SPTBN4: variants seen among roughly 807,000 people sequenced by gnomAD.
SPTBN4 encodes the protein spectrin beta chain, non-erythrocytic 4.
SPTBN4 carries 96 observed loss-of-function variants against 277.8 expected under a neutral mutation model. The observed-to-expected ratio is 0.35, with a 90% CI of 0.29 to 0.41. SPTBN4 has a LOEUF of 0.41. Among genes scored for constraint, SPTBN4 ranks in the 10% least tolerant of loss-of-function variants. The probability of loss-of-function intolerance (pLI) is 1.00; values close to 1 mark genes in which losing one functional copy is unlikely to be tolerated. For synonymous variants in SPTBN4, 1,481 were observed against 1,580.3 expected, an observed-to-expected ratio of 0.94 and a Z score of 1.49; for missense variants, 3,006 against 3,595.7, an observed-to-expected ratio of 0.84 and a Z score of 4.19.
At chr19:40,533,456 C>G (rs1469452645) in intron 19 of SPTBN4, among the ~76,000 whole-genome samples, 1 of 152,134 alleles carries the variant, frequency 6.6e-6, no homozygotes, top group East Asian at 1.9e-4. Context: ...AGCCTCAACC[C>G]TCAGAACTTC....
chr19:40,538,744 C>A (rs1042894483), intron 20 of SPTBN4, among the ~76,000 whole-genome samples: 2 of 152,138 alleles, frequency 1.3e-5, no homozygotes, highest in African/African-American at 4.8e-5. Context: ...TGTGCCACCA[C>A]GCCCAGATAA....
Position 40,519,534 on chromosome 19 carries a change from G to A in SPTBN4, c.3037G>A (p.Ala1013Thr). The change falls in exon 16 of 36, where the codon GCG (alanine) becomes ACG (threonine). Residue 1013 changes from alanine to threonine, a missense_variant. By Grantham distance (58) the Ala-to-Thr change is moderately conservative (BLOSUM62 0). Transcript: ENST00000598249. This position sits in a 1 kb window ranked among gnomAD's most constrained non-coding sequence, Gnocchi z 5.7. ...VREKRRAVESAPRAGGALQWR... is the reference protein window; with the variant it reads ...VREKRRAVESTPRAGGALQWR... Reference sequence around the variant, plus strand: ...TGAGAAGCGGAGAGCTGTGGAGAGCGCGCCCCGGGCCGGCGGCGCCCTGCA... The same window carrying A: ...TGAGAAGCGGAGAGCTGTGGAGAGCACGCCCCGGGCCGGCGGCGCCCTGCA... 6.3e-7 allele frequency: 1 copy of A among 1,588,572 alleles called. No individual in the cohort carries two copies. Among genetic ancestry groups the A allele is most frequent in the Non-Finnish European group, 8.5e-7 (1 of 1,170,562 alleles).
At chr19:40,538,817 T>C (rs2080767351) in intron 20 of SPTBN4, among the ~76,000 whole-genome samples, 1 of 152,164 alleles carries the variant, frequency 6.6e-6, no homozygotes, top group Non-Finnish European at 1.5e-5. Context: ...CTCAAACTCC[T>C]GGCCTCAAGT....
chr19:40,503,672 G>C (rs1419669837), intron 11 of SPTBN4, among the ~76,000 whole-genome samples, 158 bp from the exon 12 acceptor site: 1 of 151,910 alleles, frequency 6.6e-6, no homozygotes, highest in African/African-American at 2.4e-5. Context: ...CAGGTTACCT[G>C]GGTAACAGGG....
chr19:40,571,784 G>A (rs757014634), intron 33 of SPTBN4: 2 of 428,240 alleles, frequency 4.7e-6, no homozygotes, highest in African/African-American at 4.0e-5. Context: ...TATGGGAGGG[G>A]ATAAGGAAGG....
chr19:40,565,845 T>G, intron 29 of SPTBN4, 100 bp downstream of exon 29: 2 of 1,277,636 alleles, frequency 1.6e-6, no homozygotes, highest in Non-Finnish European at 1.1e-6. Flanking sequence ...CTTTGCACCC[T>G]ACCCATGGGT....
rs2080405693 is a variant in SPTBN4 at position 40,512,784 on chromosome 19, T to C, written c.1995T>C (p.Arg665=). The stretch of plus-strand genomic sequence containing the variant: ...AGAGCTGGGCGCGCGACAAGGAGCG[T>C]CTCCTGGAGGCTGCGGGCGGCGGCG... ...EAESWARDKE[R]LLEAAGGGGA... is the part of the protein sequence containing the mutation. The change falls in exon 14 of 36, where the codon CGT becomes CGC. Residue 665 remains arginine (R), a synonymous_variant. Coordinates refer to ENST00000598249, the MANE Select transcript of SPTBN4 (RefSeq NM_020971.3). 2 of 1,484,586 alleles carry C rather than the reference T, an allele frequency of 1.3e-6. No individual in the cohort carries two copies. The highest frequency in any genetic ancestry group is 1.8e-6 in the Non-Finnish European group (2 of 1,129,232). The allele number at this position is 1,484,586 out of a possible 1,614,324, so 92.0% of individuals were successfully genotyped here.
intron 2 of SPTBN4, among the ~76,000 whole-genome samples, chr19:40,474,323 A>G (rs1052742329): frequency 3.7e-4 from 36 of 97,838 alleles, no homozygotes; most frequent in African/African-American, 1.4e-3. Context: ...GGAGTTTCCA[A>G]TTAGAAATGT....
Position 40,513,321 on chromosome 19 carries a change from C to A in SPTBN4, c.2532C>A (p.Gly844=). ...TGGCGACACTCGGGGGTGCCAGTGGCGCAGGGCCACTGGTGGTGGCGCTGC... is the reference window on the plus strand; with the variant it reads ...TGGCGACACTCGGGGGTGCCAGTGGAGCAGGGCCACTGGTGGTGGCGCTGC... ...RQLATLGGAS[G]AGPLVVALQV... Residue 844 remains glycine, a synonymous_variant, in exon 14 of 36, where the codon GGC becomes GGA. Transcript: ENST00000598249. 1 of 1,573,462 alleles carries A rather than the reference C, an allele frequency of 6.4e-7. No individual in the cohort carries two copies.
At position 40,519,440 on chromosome 19, in the gene SPTBN4, G is replaced by A; in HGVS notation, c.2943G>A (p.Glu981=). Residue 981 remains glutamate (E), a synonymous_variant, in exon 16 of 36, where the codon GAG becomes GAA. Transcript: ENST00000598249. This position sits in a 1 kb window ranked among gnomAD's most constrained non-coding sequence, Gnocchi z 5.7. The part of the protein sequence containing the change: ...RIVELVEQRK[E]EMSAVLLVEN... ...TGGAGCTAGTGGAACAGCGCAAAGA[G>A]GAAATGAGCGCGGTGCTGCTGGTGG... 1.2e-6 allele frequency: 2 copies of A among 1,601,428 alleles called. No homozygotes were observed. Among genetic ancestry groups the A allele is most frequent in the Non-Finnish European group, 1.7e-6 (2 of 1,175,626 alleles).
Position 40,512,690 on chromosome 19 carries a change from C to T in SPTBN4, c.1901C>T (p.Ala634Val), listed in dbSNP as rs751411740. 1.3e-6 allele frequency: 2 copies of T among 1,527,266 alleles called. No homozygotes were observed. Among genetic ancestry groups the T allele is most frequent in the Non-Finnish European group, 1.7e-6 (2 of 1,143,926 alleles). The allele number at this position is 1,527,266 out of a possible 1,614,324, so 94.6% of individuals were successfully genotyped here. A position where few individuals can be genotyped will look rare whatever the true frequency, so the allele number is the denominator to read the frequency against. ...GCLAELQEQA[A>V]RRRAELEASR... Reference sequence around the variant, plus strand: ...CTGGCGGAGCTGCAGGAGCAGGCAGCGCGGCGACGCGCGGAGCTGGAGGCT... The same window carrying T: ...CTGGCGGAGCTGCAGGAGCAGGCAGTGCGGCGACGCGCGGAGCTGGAGGCT... Residue 634 changes from alanine (A) to valine (V), a missense_variant, in exon 14 of 36, where the codon GCG becomes GTG. Physicochemically the swap from Ala to Val is moderately conservative, Grantham distance 64. Around this residue, in one of 5 missense-constraint regions of SPTBN4, gnomAD observed 1,759 missense variants for 2,061.5 expected, o/e 0.85. Coordinates refer to ENST00000598249, the MANE Select transcript of SPTBN4 (RefSeq NM_020971.3).
rs185268774 is a variant in SPTBN4 at position 40,498,343 on chromosome 19, G to A, written c.784+739G>A. On this transcript the variant is annotated intron_variant, in intron 7 of 35. Transcript: ENST00000598249. ...TTTCATCTTCACACTGACCTGGTTA[G>A]AGAGAATTTATCAACCCTGTTTTAT... Among the ~76,000 whole-genome samples the A allele has an allele frequency of 3.6e-3, 545 of 152,060 alleles. 6 individuals carry two copies. Among genetic ancestry groups the A allele is most frequent in the African/African-American group, 0.013 (524 of 41,480 alleles).
rs541456864 is a variant in SPTBN4 at position 40,537,054 on chromosome 19, G to C, written c.4359+2711G>C. ...AAACGGAGTCTGGCTCTGCCACCTA[G>C]GCTGGAGTGCAGTGGCTTGATCTCA... On this transcript the variant is annotated intron_variant, in intron 20 of 35. Coordinates refer to ENST00000598249, the MANE Select transcript of SPTBN4 (RefSeq NM_020971.3). 5.9e-5 allele frequency among the ~76,000 whole-genome samples: 9 copies of C among 152,080 alleles called. No homozygotes were observed. In the East Asian group the frequency reaches 1.7e-3, roughly 29 times the overall value.
In SPTBN4 at chr19:40,519,532, G is replaced by A. The variant is rs773474064; in HGVS notation, c.3035G>A (p.Ser1012Asn). The A allele has an allele frequency of 6.9e-6, 11 of 1,590,212 alleles. No individual in the cohort carries two copies. The highest frequency in any genetic ancestry group is 1.8e-5 in the Admixed American group (1 of 56,116). ...CGTGAGAAGCGGAGAGCTGTGGAGA[G>A]CGCGCCCCGGGCCGGCGGCGCCCTG... ...QVREKRRAVE[S>N]APRAGGALQW... Residue 1012 changes from serine (S) to asparagine (N), a missense_variant, in exon 16 of 36, where the codon AGC becomes AAC. Physicochemically the swap from Ser to Asn is conservative, Grantham distance 46. Coordinates refer to ENST00000598249, the MANE Select transcript of SPTBN4 (RefSeq NM_020971.3). The surrounding 1 kb of genome is among the most constrained non-coding windows in gnomAD (Gnocchi z 5.7).
chr19:40,492,862 C>G lies in SPTBN4; in HGVS notation c.496-101C>G, dbSNP rs1262538193. ...AGCCAGAAGCTGCCTCCCCCATCTC[C>G]TCTGTCACCTGCCACCTTCTCTGGT... On this transcript the variant is annotated intron_variant, in intron 4 of 35. Coordinates refer to ENST00000598249, the MANE Select transcript of SPTBN4 (RefSeq NM_020971.3). The G allele has an allele frequency of 3.9e-6, 4 of 1,028,064 alleles. No homozygotes were observed. In the African/African-American group the frequency reaches 6.3e-5, roughly 16 times the overall value. 63.7% of individuals were successfully genotyped at this position (1,028,064 alleles called of 1,614,324 possible).
chr19:40,504,148 C>CGGGGGGGGGGG lies in SPTBN4; in HGVS notation c.1665+20_1665+21insGGGGGGGGGGG. The CGGGGGGGGGGG allele has an allele frequency of 1.5e-6, 1 of 645,760 alleles. No homozygotes were observed. Among genetic ancestry groups the CGGGGGGGGGGG allele is most frequent in the South Asian group, 2.7e-5 (1 of 36,552 alleles). 40.0% of individuals were successfully genotyped at this position (645,760 alleles called of 1,614,324 possible). A position where few individuals can be genotyped will look rare whatever the true frequency, so the allele number is the denominator to read the frequency against. ...GGAGATGCAGGTGCCGGCGGGGGGGCGGGGATGCGGGTGGAGTGCCAGGAG... is the reference window on the plus strand; with the variant it reads ...GGAGATGCAGGTGCCGGCGGGGGGGCGGGGGGGGGGGGGGGATGCGGGTGGAGTGCCAGGAG... On this transcript the variant is annotated intron_variant, in intron 12 of 35. Transcript: ENST00000598249.
chr19:40,544,142 TTTTG>T (rs1284558250), intron 20 of SPTBN4, among the ~76,000 whole-genome samples: 1 of 150,640 alleles, frequency 6.6e-6, no homozygotes. Context: ...TTTTTTTTTT[TTTTG>T]TTTGTTTGTT....
intron 12 of SPTBN4, among the ~76,000 whole-genome samples, chr19:40,505,627 G>A (rs529809578): frequency 2.0e-5 from 3 of 151,150 alleles, no homozygotes; most frequent in African/African-American, 7.3e-5. Flanking sequence ...CTGAGATCGC[G>A]CCACTGCACT....
At chr19:40,504,232 G>C in intron 12 of SPTBN4, 100 bp downstream of exon 12, 15 of 1,230,338 alleles carry the variant, frequency 1.2e-5, no homozygotes, top group Non-Finnish European at 1.6e-5. Flanking sequence ...GAGAGGGAAG[G>C]GCAGAGATAG....
Sources: gnomAD v4.1 joint callset for allele counts (sites outside exome capture counted in the v4.1 genomes callset) on GRCh38, gnomAD v4.1.1 for gene constraint, gnomAD v4.1.1 regional missense constraint, Gnocchi (gnomAD v3.1) non-coding constraint, MANE v1.5 for transcripts, NCBI Gene and HGNC (gene_info 2026-07-23, HGNC 2026-07-21) for gene names.